Variants in TBC1D9B observed in about 807,000 individuals in gnomAD.
TBC1D9B encodes the protein TBC1 domain family, member 9B (with GRAM domain).
A neutral mutation model predicts 121.1 loss-of-function variants in TBC1D9B; 87 were observed. The ratio of observed to expected loss-of-function variants is 0.72; its 90% CI spans 0.60 to 0.86. The LOEUF (loss-of-function observed/expected upper bound fraction) is 0.86, where lower values mean the gene tolerates loss of function less well. TBC1D9B is among the 40% of genes least tolerant of loss of function. The probability of loss-of-function intolerance (pLI) is 0.00; values close to 1 mark genes in which losing one functional copy is unlikely to be tolerated. For synonymous variants in TBC1D9B, 668 were observed against 670.1 expected, an observed-to-expected ratio of 1.00 and a Z score of 0.05; for missense variants, 1,540 against 1,628.6, an observed-to-expected ratio of 0.95 and a Z score of 0.94.
rs912638428 is a variant in TBC1D9B at position 179,891,002 on chromosome 5, T to G, written c.1044+377A>C. On this transcript the variant is annotated intron_variant, in intron 6 of 20. Coordinates refer to ENST00000355235, the MANE Select transcript of TBC1D9B (RefSeq NM_015043.4). This position sits in a 1 kb window ranked among gnomAD's most constrained non-coding sequence, Gnocchi z 4.3. ...GGTGAGGTGGCCTCTGAGAGTGACATATGGGACCGGTGCAGGAACACGGTC... is the reference window on the plus strand; with the variant it reads ...GGTGAGGTGGCCTCTGAGAGTGACAGATGGGACCGGTGCAGGAACACGGTC... Among the ~76,000 whole-genome samples the G allele has an allele frequency of 2.0e-5, 3 of 152,172 alleles. No individual in the cohort carries two copies. Among genetic ancestry groups the G allele is most frequent in the African/African-American group, 7.2e-5 (3 of 41,430 alleles).
At chr5:179,894,348 G>A (rs1166996868) in intron 4 of TBC1D9B, 38 bp downstream of exon 4, 1 of 1,563,032 alleles carries the variant, frequency 6.4e-7, no homozygotes, top group African/African-American at 1.4e-5. Context: ...GAGGGGCTGA[G>A]GGTGTGGGGG....
intron 3 of TBC1D9B, 146 bp from the exon 4 acceptor site, chr5:179,894,760 T>C (rs1035266691): frequency 1.4e-6 from 1 of 731,408 alleles, no homozygotes; most frequent in African/African-American, 1.8e-5. Flanking sequence ...TGGCTCTTGC[T>C]GGCTTGCAGT....
chr5:179,907,010 G>A lies in TBC1D9B; in HGVS notation c.118+694C>T. 6.6e-6 allele frequency among the ~76,000 whole-genome samples: 1 copy of A among 152,172 alleles called. No homozygotes were observed. Among genetic ancestry groups the A allele is most frequent in the East Asian group, 1.9e-4 (1 of 5,170 alleles). On this transcript the variant is annotated intron_variant, in intron 1 of 20. Coordinates refer to ENST00000355235, the MANE Select transcript of TBC1D9B (RefSeq NM_015043.4). This position sits in a 1 kb window ranked among gnomAD's most constrained non-coding sequence, Gnocchi z 5.3. ...TGTGGGCCTCCCCTGGATCCCACAG[G>A]CCGCACGACTCCAAGGGTGCCTGTC...
At position 179,871,521 on chromosome 5, in the gene TBC1D9B, T is replaced by C; in HGVS notation, c.2425A>G (p.Ile809Val). 2.5e-6 allele frequency: 4 copies of C among 1,612,934 alleles called. No individual in the cohort carries two copies. Among genetic ancestry groups the C allele is most frequent in the Non-Finnish European group, 3.4e-6 (4 of 1,179,540 alleles). The change falls in exon 15 of 21, where the codon ATA becomes GTA. Residue 809 changes from isoleucine to valine, a missense_variant. Ile to Val is a conservative substitution (Grantham distance 29). Coordinates refer to ENST00000355235, the MANE Select transcript of TBC1D9B (RefSeq NM_015043.4). The stretch of plus-strand genomic sequence containing the variant: ...ATGGAGAAACCAATGTCCACAGGTA[T>C]AGCTCGGACCTAGAAGGAAGGAGAA... ...DTAKRSVVRA[I>V]PVDIGFSIEE...
At chr5:179,887,812 GCT>G (rs1466383680) in intron 7 of TBC1D9B, 1 of 487,308 alleles carries the variant, frequency 2.1e-6, no homozygotes, top group Non-Finnish European at 3.7e-6. Context: ...GTGTGGCTTT[GCT>G]CTGAGTGCAG....
In TBC1D9B at chr5:179,874,446, G is replaced by C. The variant is rs1283124237; in HGVS notation, c.2186+456C>G. 1.3e-5 allele frequency among the ~76,000 whole-genome samples: 2 copies of C among 152,160 alleles called. No homozygotes were observed. Among genetic ancestry groups the C allele is most frequent in the East Asian group, 3.9e-4 (2 of 5,190 alleles). The stretch of plus-strand genomic sequence containing the variant: ...CCCTGGACATTTGGCGTGACTAGTG[G>C]GACATCAGCTCATCCAGCTGTTCCA... On this transcript the variant is annotated intron_variant, in intron 12 of 20. Transcript: ENST00000355235. This position sits in a 1 kb window ranked among gnomAD's most constrained non-coding sequence, Gnocchi z 4.3.
In TBC1D9B at chr5:179,869,738, C is replaced by G. The variant is rs1240837681; in HGVS notation, c.2791+31G>C. 5 of 1,610,446 alleles carry G rather than the reference C, an allele frequency of 3.1e-6. No individual in the cohort carries two copies. The South Asian group carries it at 5.5e-5, about 18-fold the overall frequency. On this transcript the variant is annotated intron_variant, in intron 17 of 20. Transcript: ENST00000355235. Reference sequence around the variant, plus strand: ...CTGAACTTCTGGACAAGTGGGAGACCCTGGCTGGGGAGTGGGCAGGAGGCT... The same window carrying G: ...CTGAACTTCTGGACAAGTGGGAGACGCTGGCTGGGGAGTGGGCAGGAGGCT...
chr5:179,873,899 T>C (rs1302875864), intron 12 of TBC1D9B, among the ~76,000 whole-genome samples: 2 of 152,108 alleles, frequency 1.3e-5, no homozygotes, highest in South Asian at 2.1e-4. Flanking sequence ...CCGCCTATTG[T>C]AGGAAGCGGC....
chr5:179,869,823 G>C lies in TBC1D9B; in HGVS notation c.2737C>G (p.His913Asp). The C allele has an allele frequency of 6.4e-7, 1 of 1,558,714 alleles. No homozygotes were observed. The change falls in exon 17 of 21, where the codon CAC becomes GAC. Residue 913 changes from histidine (H) to aspartate (D), a missense_variant. Physicochemically the swap from His to Asp is moderately conservative, Grantham distance 81. Transcript: ENST00000355235. ...TTGAGCTTCTCTGTCAGGTCCCCGTGGTACATCCCGCCTGTGGAGAAGGCC... is the reference window on the plus strand; with the variant it reads ...TTGAGCTTCTCTGTCAGGTCCCCGTCGTACATCCCGCCTGTGGAGAAGGCC... ...EFVTGMSGMY[H>D]GDLTEKLKVL... is the part of the protein sequence containing the mutation.
intron 12 of TBC1D9B, among the ~76,000 whole-genome samples, chr5:179,873,555 T>C (rs1352627206): frequency 6.6e-6 from 1 of 152,208 alleles, no homozygotes; most frequent in Non-Finnish European, 1.5e-5. Flanking sequence ...TCCTACCCAG[T>C]TGGAAGGATG....
Position 179,891,198 on chromosome 5 carries a change from G to A in TBC1D9B, c.1044+181C>T, listed in dbSNP as rs1023191518. Among the ~76,000 whole-genome samples, 2 of 152,332 alleles carry A rather than the reference G, an allele frequency of 1.3e-5. No individual in the cohort carries two copies. Among genetic ancestry groups the A allele is most frequent in the East Asian group, 1.9e-4 (1 of 5,178 alleles). On this transcript the variant is annotated intron_variant, in intron 6 of 20. Transcript: ENST00000355235. The surrounding 1 kb of genome is among the most constrained non-coding windows in gnomAD (Gnocchi z 4.3). ...CCCAACAGGGCAGGTGCCTGTGGAG[G>A]GGCTCACTTGTCCTACACCCTCCAC...
chr5:179,901,013 G>A (rs1761151491), intron 2 of TBC1D9B, among the ~76,000 whole-genome samples: 1 of 152,188 alleles, frequency 6.6e-6, no homozygotes, highest in African/African-American at 2.4e-5. Context: ...CTGTGTCACA[G>A]CCCGGCTGTT....
chr5:179,898,379 TCCTAA>T (rs1187068820), intron 3 of TBC1D9B, among the ~76,000 whole-genome samples: 1 of 152,016 alleles, frequency 6.6e-6, no homozygotes, highest in Non-Finnish European at 1.5e-5. Context: ...GGTCGCGATC[TCCTAA>T]CCTCGTGATC....
intron 7 of TBC1D9B, among the ~76,000 whole-genome samples, chr5:179,882,188 G>A (rs1434836027): frequency 2.6e-5 from 4 of 152,190 alleles, no homozygotes; most frequent in South Asian, 4.2e-4. Context: ...CAGGTGACCC[G>A]CCTGCCTCGG....
intron 7 of TBC1D9B, among the ~76,000 whole-genome samples, chr5:179,880,930 C>T (rs10070019): frequency 0.019 from 2,938 of 152,294 alleles, 62 homozygotes; most frequent in African/African-American, 0.06. Flanking sequence ...TGAGCTCCCC[C>T]AGAGGGACCG....
chr5:179,894,385 C>T lies in TBC1D9B; in HGVS notation c.577+1G>A. 2.5e-6 allele frequency: 4 copies of T among 1,610,400 alleles called. No individual in the cohort carries two copies. The highest frequency in any genetic ancestry group is 2.5e-6 in the Non-Finnish European group (3 of 1,178,444). On this transcript the variant is annotated splice_donor_variant, in intron 4 of 20. Coordinates refer to ENST00000355235, the MANE Select transcript of TBC1D9B (RefSeq NM_015043.4). LOFTEE classifies it high-confidence loss of function. ...TGGGGCACACTGAGGGGCGGGCTCA[C>T]CTTCCTTCCCCAGCAGGAAGGAGTA...
At chr5:179,864,873 C>T (rs1334143994) in intron 20 of TBC1D9B, among the ~76,000 whole-genome samples, 1 of 152,252 alleles carries the variant, frequency 6.6e-6, no homozygotes, top group Admixed American at 6.5e-5. Context: ...AGACACCATG[C>T]TTCTGATCTG....
chr5:179,884,752 C>A (rs556158067), intron 7 of TBC1D9B, among the ~76,000 whole-genome samples: 36 of 152,280 alleles, frequency 2.4e-4, no homozygotes, highest in African/African-American at 8.7e-4. Flanking sequence ...ATAAGCCAGG[C>A]ACAAAAGGGA....
In TBC1D9B at chr5:179,888,143, A is replaced by G. The variant is rs1314869303; in HGVS notation, c.1214T>C (p.Ile405Thr). Residue 405 changes from isoleucine to threonine, a missense_variant, in exon 7 of 21, where the codon ATC becomes ACC. Ile to Thr is a moderately conservative substitution (Grantham distance 89, BLOSUM62 -1). Transcript: ENST00000355235. Reference protein sequence around the residue: ...QKTPSKQPGSIGSRKASVVDP... With the variant: ...QKTPSKQPGSTGSRKASVVDP... ...CACAACACTGGCTTTCCTGCTCCCGATACTGCCTGGCTGCTTGGATGGTGT... is the reference window on the plus strand; with the variant it reads ...CACAACACTGGCTTTCCTGCTCCCGGTACTGCCTGGCTGCTTGGATGGTGT... 1.2e-6 allele frequency: 2 copies of G among 1,613,596 alleles called. No individual in the cohort carries two copies. Among genetic ancestry groups the G allele is most frequent in the African/African-American group, 1.3e-5 (1 of 74,832 alleles).
Sources: gnomAD v4.1 joint callset for allele counts (sites outside exome capture counted in the v4.1 genomes callset) on GRCh38, gnomAD v4.1.1 for gene constraint, Gnocchi (gnomAD v3.1) non-coding constraint, MANE v1.5 for transcripts, NCBI Gene and HGNC (gene_info 2026-07-23, HGNC 2026-07-21) for gene names.